The following VPS13B variants were observed in gnomAD, a reference collection of about 807,000 sequenced individuals.
VPS13B encodes vacuolar protein sorting 13 homolog B.
In VPS13B, 285 loss-of-function variants were observed where a neutral mutation model predicts 426.4. That is an observed-to-expected ratio of 0.67 (90% CI 0.61 to 0.74). The LOEUF is 0.74. Among genes scored for constraint, VPS13B ranks in the 30% least tolerant of loss-of-function variants. VPS13B has a pLI of 0.00. For missense variants in VPS13B, 4,537 were observed against 4,782.6 expected (o/e 0.95, Z 1.51); for synonymous variants, 1,676 against 1,676.4 (o/e 1.00, Z 0.01).
chr8:99,543,856 C>T (rs1248954154), intron 30 of VPS13B, among the ~76,000 whole-genome samples: 3 of 148,466 alleles, frequency 2.0e-5, no homozygotes, highest in South Asian at 2.2e-4. Flanking sequence ...CACTTTTACA[C>T]TGTTGGTGGG....
chr8:99,043,930 ATCTCTCATT>A (rs1168701471), intron 3 of VPS13B, among the ~76,000 whole-genome samples: 6 of 151,624 alleles, frequency 4.0e-5, no homozygotes, highest in African/African-American at 1.5e-4. Context: ...CTTCACTTCA[ATCTCTCATT>A]TGATTTATTG....
intron 17 of VPS13B, among the ~76,000 whole-genome samples, chr8:99,259,289 G>A (rs1359260137): frequency 2.4e-4 from 37 of 151,986 alleles, no homozygotes; most frequent in Admixed American, 2.3e-3. Context: ...GAGAAAATTC[G>A]TTTATAAGCT....
chr8:99,219,559 T>A (rs1031060993), intron 17 of VPS13B, among the ~76,000 whole-genome samples: 2 of 152,196 alleles, frequency 1.3e-5, no homozygotes, highest in African/African-American at 2.4e-5. Context: ...AGAGGTCAAA[T>A]ATTGAGATGC....
intron 8 of VPS13B, among the ~76,000 whole-genome samples, chr8:99,127,526 C>T (rs1300129444): frequency 1.3e-5 from 2 of 152,102 alleles, no homozygotes; most frequent in African/African-American, 4.8e-5. Context: ...TTTTCTTCTC[C>T]CACCACATCT....
chr8:99,807,713 G>A (rs1452434734), intron 43 of VPS13B, among the ~76,000 whole-genome samples: 4 of 149,982 alleles, frequency 2.7e-5, no homozygotes, highest in Admixed American at 6.7e-5. Context: ...GTACGCACAC[G>A]TGTGTTTTCT....
chr8:99,422,084 A>T (rs1332792448), intron 21 of VPS13B, among the ~76,000 whole-genome samples: 1 of 152,192 alleles, frequency 6.6e-6, no homozygotes, highest in Non-Finnish European at 1.5e-5. Flanking sequence ...GAAGCTTGAC[A>T]GAGTTTTATG....
intron 19 of VPS13B, among the ~76,000 whole-genome samples, chr8:99,361,415 A>G (rs1432927705): frequency 6.6e-6 from 1 of 152,204 alleles, no homozygotes; most frequent in African/African-American, 2.4e-5. Context: ...CTGCTTTAGC[A>G]GGAAAGTAGA....
intron 2 of VPS13B, among the ~76,000 whole-genome samples, chr8:99,030,779 A>T (rs1842473671): frequency 6.6e-6 from 1 of 152,148 alleles, no homozygotes; most frequent in Non-Finnish European, 1.5e-5. Flanking sequence ...TCATGATTTC[A>T]TTCATAACCA....
chr8:99,323,790 C>T (rs1467716970), intron 19 of VPS13B, among the ~76,000 whole-genome samples: 6 of 152,144 alleles, frequency 3.9e-5, no homozygotes, highest in African/African-American at 1.2e-4. Flanking sequence ...TTTGATTAAT[C>T]TTGATTGTGC....
chr8:99,486,196 C>T (rs1476141694), intron 25 of VPS13B, among the ~76,000 whole-genome samples: 2 of 151,552 alleles, frequency 1.3e-5, no homozygotes, highest in East Asian at 1.9e-4. Context: ...GTATGCACGA[C>T]GTCCCACACA....
chr8:99,130,654 T>C (rs1416090674), intron 8 of VPS13B, among the ~76,000 whole-genome samples: 1 of 152,144 alleles, frequency 6.6e-6, no homozygotes, highest in Non-Finnish European at 1.5e-5. Context: ...CCTCCCAAAG[T>C]GCTGGGATTA....
intron 24 of VPS13B, among the ~76,000 whole-genome samples, chr8:99,480,016 G>A (rs1819953346): frequency 6.6e-6 from 1 of 152,182 alleles, no homozygotes; most frequent in Non-Finnish European, 1.5e-5. Flanking sequence ...GAAAATGAGA[G>A]CGTTAGTTAC....
At chr8:99,252,227 A>C (rs7837937) in intron 17 of VPS13B, among the ~76,000 whole-genome samples, 112,199 of 151,666 alleles carry the variant, frequency 0.74, 42,160 homozygotes, top group South Asian at 0.86. Context: ...TCTCTGTACT[A>C]CTTTAGTTGT....
At chr8:99,072,654 G>A (rs747429134) in intron 3 of VPS13B, among the ~76,000 whole-genome samples, 8 of 152,088 alleles carry the variant, frequency 5.3e-5, no homozygotes, top group African/African-American at 7.2e-5. Flanking sequence ...GGTCATAACC[G>A]TAAAATCTTT....
At chr8:99,142,849 A>G (rs1333729038) in intron 12 of VPS13B, 125 bp from the exon 13 acceptor site, 1 of 896,476 alleles carries the variant, frequency 1.1e-6, no homozygotes, top group African/African-American at 1.7e-5. Flanking sequence ...CTCTGTATGC[A>G]GCTGATTGGG....
At chr8:99,675,376 C>T (rs1451225059) in intron 35 of VPS13B, among the ~76,000 whole-genome samples, 1 of 152,088 alleles carries the variant, frequency 6.6e-6, no homozygotes. Context: ...TTTCAGGATC[C>T]TGTCTTTGTC....
intron 15 of VPS13B, 100 bp from the exon 16 acceptor site, chr8:99,169,939 T>C (rs539067253): frequency 4.3e-5 from 58 of 1,341,492 alleles, no homozygotes; most frequent in Middle Eastern, 4.0e-4. Flanking sequence ...ACATATTTAG[T>C]GTGCAGCTGT....
intron 16 of VPS13B, among the ~76,000 whole-genome samples, chr8:99,189,842 A>C (rs1813456291): frequency 6.6e-6 from 1 of 152,142 alleles, no homozygotes; most frequent in Non-Finnish European, 1.5e-5. Flanking sequence ...ATTGTATATG[A>C]TTTCAGCCTT....
At chr8:99,407,417 A>G (rs945049393) in intron 21 of VPS13B, among the ~76,000 whole-genome samples, 3 of 152,136 alleles carry the variant, frequency 2.0e-5, no homozygotes, top group Non-Finnish European at 2.9e-5. Context: ...TGCTTCTACA[A>G]TTATTGTACG....
Sources: gnomAD v4.1 joint callset for allele counts (sites outside exome capture counted in the v4.1 genomes callset) on GRCh38, gnomAD v4.1.1 for gene constraint, MANE v1.5 for transcripts, NCBI Gene and HGNC (gene_info 2026-07-23, HGNC 2026-07-21) for gene names.